GRIA1: variants seen among roughly 807,000 people sequenced by gnomAD.
The protein encoded by GRIA1 is glutamate receptor 1.
Under a neutral mutation model 99.2 loss-of-function variants are expected in GRIA1, and 31 were observed. The observed-to-expected ratio is 0.31, with a 90% confidence interval of 0.23 to 0.42. The LOEUF is 0.42. Among genes scored for constraint, GRIA1 ranks in the 10% least tolerant of loss-of-function variants. The pLI, the probability that GRIA1 is intolerant of heterozygous loss-of-function variation, is 1.00. For missense variants in GRIA1, 782 were observed against 1,157.5 expected (o/e 0.68, Z 4.71); for synonymous variants, 438 against 432.4 (o/e 1.01, Z -0.16).
At chr5:153,603,039 A>G (rs1481208151) in intron 2 of GRIA1, among the ~76,000 whole-genome samples, 1 of 152,128 alleles carries the variant, frequency 6.6e-6, no homozygotes, top group Non-Finnish European at 1.5e-5. Flanking sequence ...GTCATTTAGC[A>G]TTAGGTATAT....
chr5:153,616,326 G>A (rs1215959002), intron 2 of GRIA1, among the ~76,000 whole-genome samples: 4 of 151,880 alleles, frequency 2.6e-5, no homozygotes, highest in African/African-American at 9.7e-5. Flanking sequence ...TTCTTATCTC[G>A]CATTCTGATT....
At chr5:153,781,423 C>T (rs902202460) in intron 13 of GRIA1, among the ~76,000 whole-genome samples, 1 of 152,096 alleles carries the variant, frequency 6.6e-6, no homozygotes, top group Non-Finnish European at 1.5e-5. Flanking sequence ...CAACTTTCCC[C>T]CACTCCTGTA....
At chr5:153,809,518 C>A (rs1766666703) in intron 15 of GRIA1, among the ~76,000 whole-genome samples, 1 of 152,154 alleles carries the variant, frequency 6.6e-6, no homozygotes, top group South Asian at 2.1e-4. Context: ...CAAAACTGCC[C>A]TGTTTATCTC....
At chr5:153,721,654 A>G (rs767672183) in intron 11 of GRIA1, among the ~76,000 whole-genome samples, 22 of 152,228 alleles carry the variant, frequency 1.4e-4, no homozygotes, top group Admixed American at 1.4e-3. Flanking sequence ...TTTGCCCAAT[A>G]TTATATTGTG....
chr5:153,616,329 T>A (rs1766498685), intron 2 of GRIA1, among the ~76,000 whole-genome samples: 1 of 152,222 alleles, frequency 6.6e-6, no homozygotes, highest in Non-Finnish European at 1.5e-5. Flanking sequence ...TTATCTCGCA[T>A]TCTGATTACT....
At chr5:153,525,524 A>G (rs1238133734) in intron 2 of GRIA1, 1 of 150,274 alleles carries the variant, frequency 6.7e-6, no homozygotes, top group Non-Finnish European at 1.5e-5. Flanking sequence ...TATAAAATTA[A>G]AAAAAAAAAC....
intron 2 of GRIA1, among the ~76,000 whole-genome samples, chr5:153,582,768 C>T (rs1323846978): frequency 1.3e-5 from 2 of 152,062 alleles, no homozygotes; most frequent in Non-Finnish European, 2.9e-5. Flanking sequence ...TACAACTATG[C>T]GTTTCCCACT....
chr5:153,588,512 T>C (rs949311206), intron 2 of GRIA1, among the ~76,000 whole-genome samples: 2 of 152,254 alleles, frequency 1.3e-5, no homozygotes, highest in Non-Finnish European at 2.9e-5. Context: ...TAACATGATG[T>C]TAGAACATAG....
chr5:153,658,518 G>A lies in GRIA1; in HGVS notation c.699+2646G>A, dbSNP rs533684040. Among the ~76,000 whole-genome samples, 271 of 152,266 alleles carry A rather than the reference G, an allele frequency of 1.8e-3. 1 individual carries two copies. The highest frequency in any genetic ancestry group is 2.9e-3 in the Non-Finnish European group (194 of 68,022). ...CAAATAAAAAAGACTTGCATGTTTC[G>A]ATAGATTAGTTGATAATTAGGCTTC... On this transcript the variant is annotated intron_variant, in intron 5 of 15. Transcript: ENST00000285900.
chr5:153,669,462 C>T (rs539189565), intron 5 of GRIA1, among the ~76,000 whole-genome samples: 1 of 152,244 alleles, frequency 6.6e-6, no homozygotes, highest in South Asian at 2.1e-4. Context: ...TTAAGCAGGG[C>T]TCTCTTAAAA....
chr5:153,736,624 A>G (rs542981485), intron 11 of GRIA1, among the ~76,000 whole-genome samples: 1 of 152,324 alleles, frequency 6.6e-6, no homozygotes, highest in East Asian at 1.9e-4. Context: ...CCTGGATTCA[A>G]AAATGTTTTT....
intron 5 of GRIA1, among the ~76,000 whole-genome samples, chr5:153,660,394 C>T (rs1219867704): frequency 2.0e-5 from 3 of 152,272 alleles, no homozygotes; most frequent in Non-Finnish European, 4.4e-5. Context: ...AGAAACAGAG[C>T]TTCAGAAAGG....
At chr5:153,689,796 G>T (rs955812706) in intron 8 of GRIA1, among the ~76,000 whole-genome samples, 1 of 152,138 alleles carries the variant, frequency 6.6e-6, no homozygotes, top group African/African-American at 2.4e-5. Flanking sequence ...CTCCTGGCTG[G>T]ACTTCGGCTT....
At chr5:153,726,488 C>T (rs549836412) in intron 11 of GRIA1, among the ~76,000 whole-genome samples, 67 of 149,660 alleles carry the variant, frequency 4.5e-4, no homozygotes, top group African/African-American at 8.6e-4. Flanking sequence ...ATTGATAGAC[C>T]ACTAGCAAGA....
chr5:153,496,563 G>A (rs1273832873), intron 2 of GRIA1, among the ~76,000 whole-genome samples: 1 of 152,196 alleles, frequency 6.6e-6, no homozygotes, highest in African/African-American at 2.4e-5. Flanking sequence ...TACTGGGCAA[G>A]TTAGGTGGAA....
chr5:153,705,579 C>T, intron 10 of GRIA1, 118 bp from the exon 11 acceptor site: 1 of 1,317,158 alleles, frequency 7.6e-7, no homozygotes, highest in Non-Finnish European at 9.9e-7. Context: ...TTCTTTCCCA[C>T]TCTCATATCC....
rs114243247 is a variant in GRIA1, at chr5:153,796,112, T to C, written c.2385+1377T>C. On this transcript the variant is annotated intron_variant, in intron 14 of 15. Coordinates refer to ENST00000285900, the MANE Select transcript of GRIA1 (RefSeq NM_000827.4). ...CTTTGGCTTACACATTCAAGGGCCA[T>C]TGAATTGGCCTCCAAGCAGGGTTCT... is the stretch of plus-strand genomic sequence containing the variant. Among the ~76,000 whole-genome samples, 874 of 150,844 alleles carry C rather than the reference T, an allele frequency of 5.8e-3. 14 individuals are homozygous for C. Among genetic ancestry groups the C allele is most frequent in the African/African-American group, 0.02 (830 of 40,996 alleles).
In GRIA1 at chr5:153,811,967, G is replaced by A. The variant is rs539101619; in HGVS notation, c.*742G>A. On this transcript the variant is annotated 3_prime_UTR_variant, in exon 16 of 16. Transcript: ENST00000285900. ...GATGTGCAGTCAGAGAAGGACTCCTGAAGTTACTGCTGCTCAGAAAAACAG... is the reference window on the plus strand; with the variant it reads ...GATGTGCAGTCAGAGAAGGACTCCTAAAGTTACTGCTGCTCAGAAAAACAG... The A allele has an allele frequency of 5.9e-5, 9 of 152,512 alleles. No homozygotes were observed. In the South Asian group the frequency reaches 6.2e-4, roughly 11 times the overall value. The allele number at this position is 152,512 out of a possible 1,614,324, so 9.4% of individuals were successfully genotyped here. A position where few individuals can be genotyped will look rare whatever the true frequency, so the allele number is the denominator to read the frequency against.
intron 2 of GRIA1, among the ~76,000 whole-genome samples, chr5:153,630,130 T>C (rs1752832552): frequency 6.6e-6 from 1 of 152,200 alleles, no homozygotes; most frequent in Non-Finnish European, 1.5e-5. Flanking sequence ...AAGTACACCC[T>C]CTTAAGCTGT....
Sources: allele counts gnomAD v4.1 joint callset (sites outside exome capture counted in the v4.1 genomes callset), GRCh38; gene constraint gnomAD v4.1.1; transcripts MANE v1.5; gene names NCBI Gene and HGNC (gene_info 2026-07-23, HGNC 2026-07-21).